The following ATF6 variants were observed in gnomAD, a reference collection of about 807,000 sequenced individuals.
ATF6 encodes the protein activating transcription factor 6.
Under a neutral mutation model 83.6 loss-of-function variants are expected in ATF6, and 53 were observed. The ratio of observed to expected loss-of-function variants is 0.63; its 90% confidence interval spans 0.51 to 0.80. The LOEUF (loss-of-function observed/expected upper bound fraction) is 0.80. Among genes scored for constraint, ATF6 ranks in the 30% least tolerant of loss-of-function variants. The pLI, the probability that ATF6 is intolerant of heterozygous loss-of-function variation, is 0.00. For missense variants in ATF6, 744 were observed against 797.9 expected (o/e 0.93, Z 0.81); for synonymous variants, 288 against 285.8 (o/e 1.01, Z -0.08).
intron 14 of ATF6, among the ~76,000 whole-genome samples, chr1:161,897,896 T>A (rs1034219484): frequency 6.6e-6 from 1 of 152,220 alleles, no homozygotes; most frequent in African/African-American, 2.4e-5. Context: ...TAAGGTTATA[T>A]ATGTGGCTTG....
At chr1:161,868,076 G>C (rs1687045476) in intron 14 of ATF6, among the ~76,000 whole-genome samples, 1 of 152,222 alleles carries the variant, frequency 6.6e-6, no homozygotes, top group Non-Finnish European at 1.5e-5. Flanking sequence ...TCATTGGGTG[G>C]AATGTATACT....
At chr1:161,835,410 G>A (rs532954557) in intron 9 of ATF6, among the ~76,000 whole-genome samples, 2 of 152,244 alleles carry the variant, frequency 1.3e-5, no homozygotes, top group Non-Finnish European at 2.9e-5. Flanking sequence ...GACCTATGAA[G>A]TCTGATAGGG....
intron 1 of ATF6, among the ~76,000 whole-genome samples, chr1:161,774,351 C>T (rs1054836692): frequency 6.6e-6 from 1 of 151,696 alleles, no homozygotes; most frequent in African/African-American, 2.4e-5. Context: ...TAGCAATCCC[C>T]ATGAGTTACA....
chr1:161,800,923 T>G (rs1288918519), intron 6 of ATF6, among the ~76,000 whole-genome samples: 2 of 152,226 alleles, frequency 1.3e-5, no homozygotes, highest in Admixed American at 1.3e-4. Flanking sequence ...GTATGCTGCT[T>G]TAGTCCTTCA....
At chr1:161,796,709 G>A (rs1685029650) in intron 6 of ATF6, among the ~76,000 whole-genome samples, 1 of 152,096 alleles carries the variant, frequency 6.6e-6, no homozygotes, top group Admixed American at 6.5e-5. Flanking sequence ...AACCTTGATG[G>A]TTTTGGGTGA....
intron 3 of ATF6, among the ~76,000 whole-genome samples, chr1:161,782,346 A>G (rs1684653169): frequency 6.6e-6 from 1 of 152,216 alleles, no homozygotes; most frequent in African/African-American, 2.4e-5. Context: ...AGAACCTAGG[A>G]ACTTGGTGGA....
chr1:161,871,580 C>G (rs986081230), intron 14 of ATF6, among the ~76,000 whole-genome samples: 2 of 151,518 alleles, frequency 1.3e-5, no homozygotes, highest in Non-Finnish European at 3.0e-5. Flanking sequence ...GAAAATATTT[C>G]CCCAAAGCAG....
At chr1:161,793,549 A>G (rs556521106) in intron 6 of ATF6, among the ~76,000 whole-genome samples, 3 of 152,368 alleles carry the variant, frequency 2.0e-5, no homozygotes, top group African/African-American at 7.2e-5. Context: ...CAAAACTTTC[A>G]TTAGGATCTC....
chr1:161,770,915 C>T (rs544812563), intron 1 of ATF6, among the ~76,000 whole-genome samples: 17 of 152,226 alleles, frequency 1.1e-4, no homozygotes, highest in Non-Finnish European at 2.2e-4. Flanking sequence ...GCCAAACTGT[C>T]TTCCAAAGTG....
At chr1:161,838,442 GTTC>G (rs537821742) in intron 9 of ATF6, among the ~76,000 whole-genome samples, 19 of 152,308 alleles carry the variant, frequency 1.2e-4, no homozygotes, top group East Asian at 1.2e-3. Context: ...AGGACAGACA[GTTC>G]TTCTTTGCCT....
chr1:161,894,427 C>G (rs1414329092), intron 14 of ATF6, among the ~76,000 whole-genome samples: 2 of 148,218 alleles, frequency 1.3e-5, no homozygotes, highest in Non-Finnish European at 1.5e-5. Flanking sequence ...TCTTAAACTT[C>G]AAACTTCTTA....
intron 9 of ATF6, among the ~76,000 whole-genome samples, chr1:161,845,415 A>AAC (rs1226119147): frequency 6.6e-6 from 1 of 152,094 alleles, no homozygotes; most frequent in Non-Finnish European, 1.5e-5. Flanking sequence ...ACAAAGTGCG[A>AAC]ACACACACAC....
In ATF6 at chr1:161,958,856, C is replaced by G; in HGVS notation, c.*202C>G. On this transcript the variant is annotated 3_prime_UTR_variant, in exon 16 of 16. Coordinates refer to ENST00000367942, the MANE Select transcript of ATF6 (RefSeq NM_007348.4). ...TTTGGAAAGCACTGGAATTCAGATG[C>G]AAGAGAACAATGTTTCTTCAGTGGC... 2.0e-6 allele frequency: 1 copy of G among 493,690 alleles called. No individual in the cohort carries two copies. The highest frequency in any genetic ancestry group is 3.5e-6 in the Non-Finnish European group (1 of 282,366). The allele number at this position is 493,690 out of a possible 1,614,324, so 30.6% of individuals were successfully genotyped here.
intron 15 of ATF6, among the ~76,000 whole-genome samples, chr1:161,924,604 A>G (rs1688274947): frequency 6.6e-6 from 1 of 152,234 alleles, no homozygotes; most frequent in African/African-American, 2.4e-5. Flanking sequence ...TGCCTAGCTT[A>G]AATATAATAT....
chr1:161,892,917 C>T (rs560504530), intron 14 of ATF6, among the ~76,000 whole-genome samples: 6 of 152,192 alleles, frequency 3.9e-5, no homozygotes, highest in East Asian at 1.9e-4. Context: ...GGATTACAGG[C>T]GTGAGCCACC....
intron 15 of ATF6, among the ~76,000 whole-genome samples, chr1:161,937,582 A>G (rs1688562333): frequency 6.6e-6 from 1 of 152,030 alleles, no homozygotes; most frequent in Admixed American, 6.6e-5. Context: ...AAGACAAAGG[A>G]CTTTGCAGGG....
intron 9 of ATF6, among the ~76,000 whole-genome samples, chr1:161,842,484 G>A (rs2101814444): frequency 6.7e-6 from 1 of 150,320 alleles, no homozygotes; most frequent in East Asian, 2.0e-4. Flanking sequence ...CAATCAACAA[G>A]TGGATAAAGA....
chr1:161,867,578 T>A (rs1687034518), intron 14 of ATF6, among the ~76,000 whole-genome samples: 1 of 152,180 alleles, frequency 6.6e-6, no homozygotes. Flanking sequence ...CCTGGGGCAG[T>A]TTTTCATTAA....
In ATF6 at chr1:161,802,286, CT is replaced by C; in HGVS notation, c.909+16del. The C allele has an allele frequency of 6.2e-7, 1 of 1,606,156 alleles. No homozygotes were observed. The highest frequency in any genetic ancestry group is 8.5e-7 in the Non-Finnish European group (1 of 1,173,174). On this transcript the variant is annotated intron_variant, in intron 7 of 15. Transcript: ENST00000367942. ...GTCGGTTCAGATGTAAGTTTTGAAA[CT>C]TAGTGCTTCTCTTAATGCCTGATTT...
Sources: allele counts gnomAD v4.1 joint callset (sites outside exome capture counted in the v4.1 genomes callset), GRCh38; gene constraint gnomAD v4.1.1; transcripts MANE v1.5; gene names NCBI Gene and HGNC (gene_info 2026-07-23, HGNC 2026-07-21).